Variants in EPYC observed in about 807,000 individuals in gnomAD.
The protein encoded by EPYC is dermatan sulfate proteoglycan 3.
Under a neutral mutation model 30.1 loss-of-function variants are expected in EPYC, and 28 were observed. The ratio of observed to expected loss-of-function variants is 0.93; its 90% CI spans 0.69 to 1.28. The LOEUF (loss-of-function observed/expected upper bound fraction) is 1.28, where lower values mean the gene tolerates loss of function less well. Ranked by LOEUF, EPYC falls within the 50% of genes most tolerant of loss-of-function variation. EPYC has a pLI of 0.00. For synonymous variants in EPYC, 144 were observed against 141.4 expected, an observed-to-expected ratio of 1.02 and a Z score of -0.13; for missense variants, 382 against 383.5, an observed-to-expected ratio of 1.00 and a Z score of 0.03.
intron 2 of EPYC, among the ~76,000 whole-genome samples, chr12:91,000,272 T>C (rs1216580359): frequency 1.3e-5 from 2 of 152,110 alleles, no homozygotes; most frequent in African/African-American, 4.8e-5. Context: ...ATTGTTTGTA[T>C]GTGGTAAAGG....
intron 2 of EPYC, among the ~76,000 whole-genome samples, chr12:90,994,431 G>A (rs1379770460): frequency 6.6e-6 from 1 of 152,166 alleles, no homozygotes; most frequent in Non-Finnish European, 1.5e-5. Context: ...GGCCCAGAGA[G>A]GTTGTATGAC....
intron 2 of EPYC, among the ~76,000 whole-genome samples, chr12:90,987,936 A>T (rs562405510): frequency 3.0e-4 from 45 of 152,218 alleles, no homozygotes; most frequent in African/African-American, 1.1e-3. Flanking sequence ...TACAATTTTG[A>T]CTGAAAACCC....
chr12:90,972,057 A>C (rs1877065261), intron 4 of EPYC, 55 bp from the exon 5 acceptor site: 1 of 1,077,494 alleles, frequency 9.3e-7, no homozygotes, highest in Non-Finnish European at 1.3e-6. Context: ...CTCACATAAA[A>C]ATATAAATGT....
chr12:90,984,852 G>A (rs1226705921), intron 2 of EPYC, among the ~76,000 whole-genome samples: 1 of 151,980 alleles, frequency 6.6e-6, no homozygotes, highest in Non-Finnish European at 1.5e-5. Context: ...GTAGGGGGAG[G>A]GGAATTTGGC....
At chr12:91,004,492 A>G (rs78020609) in intron 1 of EPYC, among the ~76,000 whole-genome samples, 1 of 152,076 alleles carries the variant, frequency 6.6e-6, no homozygotes, top group Non-Finnish European at 1.5e-5. Flanking sequence ...AAATTTGTGT[A>G]TTTAAAACTT....
chr12:90,990,929 C>G (rs971586110), intron 2 of EPYC, among the ~76,000 whole-genome samples: 1 of 151,988 alleles, frequency 6.6e-6, no homozygotes, highest in African/African-American at 2.4e-5. Context: ...CCATTCTATC[C>G]TTTTATACAT....
chr12:90,995,190 T>A (rs1488589738), intron 2 of EPYC, among the ~76,000 whole-genome samples: 1 of 152,104 alleles, frequency 6.6e-6, no homozygotes, highest in Non-Finnish European at 1.5e-5. Flanking sequence ...TTCTATTTTA[T>A]CTTGAAAATA....
At chr12:90,984,883 C>G (rs530468146) in intron 2 of EPYC, among the ~76,000 whole-genome samples, 1 of 152,000 alleles carries the variant, frequency 6.6e-6, no homozygotes. Context: ...TACATGTTCC[C>G]CTCTCCCTCT....
chr12:90,965,066 A>G (rs1876861495), intron 6 of EPYC, among the ~76,000 whole-genome samples: 1 of 152,156 alleles, frequency 6.6e-6, no homozygotes, highest in African/African-American at 2.4e-5. Flanking sequence ...TTCTTTTTAT[A>G]TAGATTTTCC....
intron 2 of EPYC, among the ~76,000 whole-genome samples, chr12:90,985,389 A>G (rs1412954707): frequency 1.3e-5 from 2 of 152,166 alleles, no homozygotes. Flanking sequence ...TTACCCAATC[A>G]GCCACAGATA....
intron 2 of EPYC, among the ~76,000 whole-genome samples, chr12:90,996,398 CTT>C (rs1877693886): frequency 6.6e-6 from 1 of 151,504 alleles, no homozygotes; most frequent in African/African-American, 2.4e-5. Context: ...TTATTTTTAT[CTT>C]AAGTTCAGGG....
intron 2 of EPYC, among the ~76,000 whole-genome samples, chr12:90,989,665 G>A (rs1295974696): frequency 7.2e-5 from 11 of 151,888 alleles, no homozygotes; most frequent in South Asian, 6.2e-4. Flanking sequence ...TAATCATACC[G>A]TCTAGTCTTT....
chr12:90,984,201 C>T (rs749388336), intron 2 of EPYC, among the ~76,000 whole-genome samples: 7 of 152,136 alleles, frequency 4.6e-5, no homozygotes, highest in Admixed American at 1.3e-4. Context: ...GTAAGGACCA[C>T]TAAATCTGAC....
intron 6 of EPYC, among the ~76,000 whole-genome samples, chr12:90,967,452 C>T (rs1468857173): frequency 1.3e-5 from 2 of 152,072 alleles, no homozygotes; most frequent in East Asian, 3.9e-4. Context: ...TCATTGGAAT[C>T]AGAAAACATA....
intron 1 of EPYC, among the ~76,000 whole-genome samples, 179 bp downstream of exon 1, chr12:91,004,768 A>G (rs952772266): frequency 1.3e-5 from 2 of 152,126 alleles, no homozygotes; most frequent in Non-Finnish European, 2.9e-5. Flanking sequence ...TTCCTAAGCT[A>G]ATTCAAAATT....
Position 90,972,673 on chromosome 12 carries a change from A to C in EPYC, c.499+149T>G, listed in dbSNP as rs1277653792. On this transcript the variant is annotated intron_variant, in intron 4 of 6. Coordinates refer to ENST00000261172, the MANE Select transcript of EPYC (RefSeq NM_004950.5). ...TGTTTTTCTTATAATTGTTAAAGCA[A>C]ACTCTCAAATTTTTAAATAACAAAA... The C allele has an allele frequency of 4.4e-6, 3 of 675,842 alleles. No homozygotes were observed. In the Admixed American group the frequency reaches 1.0e-4, roughly 23 times the overall value. 41.9% of individuals were successfully genotyped at this position (675,842 alleles called of 1,614,324 possible). A position where few individuals can be genotyped will look rare whatever the true frequency, so the allele number is the denominator to read the frequency against.
chr12:90,987,337 A>C (rs1353267929), intron 2 of EPYC, among the ~76,000 whole-genome samples: 1 of 149,718 alleles, frequency 6.7e-6, no homozygotes, highest in South Asian at 2.2e-4. Context: ...CCACACAGAA[A>C]CATTCCAAGC....
In EPYC at chr12:90,964,166, C is replaced by T. The variant is rs754224738; in HGVS notation, c.959G>A (p.Ser320Asn). Reference protein sequence around the residue: ...YMCLPRLPVGSLV With the variant: ...YMCLPRLPVGNLV The stretch of plus-strand genomic sequence containing the variant: ...AACCATTATCTGAAATTAGACAAGG[C>T]TCCCAACAGGCAGACGAGGTAGACA... Residue 320 changes from serine (S) to asparagine (N), a missense_variant, in exon 7 of 7, where the codon AGC (serine) becomes AAC (asparagine). By Grantham distance (46) the Ser-to-Asn change is conservative. Transcript: ENST00000261172. 8.1e-6 allele frequency: 13 copies of T among 1,611,158 alleles called. No homozygotes were observed. The East Asian group carries it at 2.7e-4, about 33-fold the overall frequency.
At chr12:90,999,342 A>G (rs910585899) in intron 2 of EPYC, among the ~76,000 whole-genome samples, 1 of 152,120 alleles carries the variant, frequency 6.6e-6, no homozygotes, top group Admixed American at 6.6e-5. Context: ...CCAAAATGCC[A>G]AGTCTTATAA....
Sources: gnomAD v4.1 joint callset for allele counts (sites outside exome capture counted in the v4.1 genomes callset) on GRCh38, gnomAD v4.1.1 for gene constraint, MANE v1.5 for transcripts, NCBI Gene and HGNC (gene_info 2026-07-23, HGNC 2026-07-21) for gene names.